Variants in ATP9B observed in about 807,000 individuals in gnomAD.
The protein encoded by ATP9B is ATPase phospholipid transporting 9B, also known as probable phospholipid-transporting ATPase IIB.
ATP9B carries 110 observed loss-of-function variants against 146.1 expected under a neutral mutation model. That is an observed-to-expected ratio of 0.75 (90% CI 0.65 to 0.88). The LOEUF is 0.88. Among genes scored for constraint, ATP9B ranks in the 40% least tolerant of loss-of-function variants. ATP9B has a pLI of 0.00. For synonymous variants in ATP9B, 604 were observed against 569.7 expected, an observed-to-expected ratio of 1.06 and a Z score of -0.86; for missense variants, 1,499 against 1,496.4, an observed-to-expected ratio of 1.00 and a Z score of -0.03.
At chr18:79,237,696 GGGT>G (rs2095855071) in intron 11 of ATP9B, among the ~76,000 whole-genome samples, 1 of 149,640 alleles carries the variant, frequency 6.7e-6, no homozygotes, top group Non-Finnish European at 1.5e-5. Flanking sequence ...TTTTGGGGGG[GGGT>G]GGGGGAAGAC....
intron 23 of ATP9B, among the ~76,000 whole-genome samples, chr18:79,346,593 C>T (rs1451360929): frequency 2.6e-5 from 3 of 116,354 alleles, no homozygotes; most frequent in Non-Finnish European, 5.5e-5. Flanking sequence ...GCACAGTCAG[C>T]ACACATTCGG....
At chr18:79,173,443 T>C (rs916078063) in intron 7 of ATP9B, among the ~76,000 whole-genome samples, 1 of 151,980 alleles carries the variant, frequency 6.6e-6, no homozygotes, top group Non-Finnish European at 1.5e-5. Flanking sequence ...TTTTTTTTTT[T>C]TGTCCTAAAA....
intron 11 of ATP9B, among the ~76,000 whole-genome samples, chr18:79,232,956 A>G (rs2095805663): frequency 6.6e-6 from 1 of 152,214 alleles, no homozygotes. Flanking sequence ...ATGGAAAAAT[A>G]AAAAGAACAA....
intron 6 of ATP9B, among the ~76,000 whole-genome samples, chr18:79,151,296 G>A (rs2094685002): frequency 6.6e-6 from 1 of 152,198 alleles, no homozygotes; most frequent in Non-Finnish European, 1.5e-5. Context: ...TGGCAAGAGT[G>A]CCTAGAAAAT....
chr18:79,230,910 G>A (rs2095785357), intron 11 of ATP9B, among the ~76,000 whole-genome samples: 1 of 152,124 alleles, frequency 6.6e-6, no homozygotes, highest in Non-Finnish European at 1.5e-5. Context: ...AACATAAAGC[G>A]AGTAAAGGAC....
chr18:79,261,880 G>A (rs2096145489), intron 12 of ATP9B, among the ~76,000 whole-genome samples: 1 of 152,136 alleles, frequency 6.6e-6, no homozygotes, highest in Non-Finnish European at 1.5e-5. Flanking sequence ...GTCCTGCTAA[G>A]CTCCCACTTT....
chr18:79,314,799 A>C (rs1443909856), intron 15 of ATP9B, among the ~76,000 whole-genome samples: 1 of 152,178 alleles, frequency 6.6e-6, no homozygotes, highest in Non-Finnish European at 1.5e-5. Flanking sequence ...GCCCTGTTTA[A>C]CTGTTAGGGC....
intron 15 of ATP9B, among the ~76,000 whole-genome samples, chr18:79,310,560 G>A (rs2146645671): frequency 6.6e-6 from 1 of 152,286 alleles, no homozygotes; most frequent in South Asian, 2.1e-4. Flanking sequence ...CCACTTTATG[G>A]CTCAGGAACA....
At chr18:79,202,121 T>C (rs1192549519) in intron 9 of ATP9B, among the ~76,000 whole-genome samples, 9 of 152,202 alleles carry the variant, frequency 5.9e-5, no homozygotes, top group African/African-American at 2.2e-4. Context: ...GTATACCCAG[T>C]ATGCATGCTG....
In ATP9B at chr18:79,284,418, C is replaced by T. The variant is rs115279621; in HGVS notation, c.1411+7222C>T. On this transcript the variant is annotated intron_variant, in intron 13 of 29. Transcript: ENST00000426216. ...CTGATGCATACCGTCCTGAGAATCGCAGTTTAGAGAAAGCCTGATTTGCAG... is the reference window on the plus strand; with the variant it reads ...CTGATGCATACCGTCCTGAGAATCGTAGTTTAGAGAAAGCCTGATTTGCAG... Among the ~76,000 whole-genome samples, 1,364 of 152,220 alleles carry T rather than the reference C, an allele frequency of 9.0e-3. 8 individuals are homozygous for T. The highest frequency in any genetic ancestry group is 0.023 in the African/African-American group (962 of 41,530).
intron 11 of ATP9B, among the ~76,000 whole-genome samples, chr18:79,237,469 C>T (rs965596007): frequency 5.9e-5 from 9 of 152,236 alleles, no homozygotes; most frequent in African/African-American, 2.2e-4. Context: ...GTCTGCTGAT[C>T]CCTTTCTTTG....
At chr18:79,234,596 C>T (rs539950404) in intron 11 of ATP9B, among the ~76,000 whole-genome samples, 1 of 148,414 alleles carries the variant, frequency 6.7e-6, no homozygotes, top group East Asian at 2.0e-4. Context: ...GGTGTGCTTG[C>T]TGTGGGCCTG....
At chr18:79,116,940 T>TAAAAAAAAAAAAAAAAAAAAAAAAAATA in intron 4 of ATP9B, among the ~76,000 whole-genome samples, 1 of 106,792 alleles carries the variant, frequency 9.4e-6, no homozygotes, top group Non-Finnish European at 1.9e-5. Context: ...AAAAAAAAAT[T>TAAAAAAAAAAAAAAAAAAAAAAAAAATA]AAAAAAAAAA....
chr18:79,172,469 C>T lies in ATP9B; in HGVS notation c.779-4344C>T, dbSNP rs1478858111. 2.1e-5 allele frequency among the ~76,000 whole-genome samples: 2 copies of T among 94,992 alleles called. 1 individual carries two copies. The highest frequency in any genetic ancestry group is 3.8e-5 in the Non-Finnish European group (2 of 52,190). The allele number at this position is 94,992 out of a possible 152,430, so 62.3% of individuals were successfully genotyped here. The stretch of plus-strand genomic sequence containing the variant: ...GCCACCGTGCCCCGCCCTTCCGATC[C>T]GCCTTGGCCTCCCAAGGTGCTGTGA... On this transcript the variant is annotated intron_variant, in intron 7 of 29. Transcript: ENST00000426216.
intron 11 of ATP9B, among the ~76,000 whole-genome samples, chr18:79,233,003 A>C (rs971126377): frequency 1.3e-5 from 2 of 152,194 alleles, no homozygotes; most frequent in African/African-American, 4.8e-5. Flanking sequence ...AGAAGATAAA[A>C]ATATGTGGCC....
At chr18:79,077,087 A>G (rs1326342123) in intron 1 of ATP9B, among the ~76,000 whole-genome samples, 1 of 152,114 alleles carries the variant, frequency 6.6e-6, no homozygotes, top group East Asian at 1.9e-4. Context: ...CTCATTAGAT[A>G]ATTTCAGTAT....
At chr18:79,106,260 C>T (rs1292324597) in intron 2 of ATP9B, among the ~76,000 whole-genome samples, 4 of 152,212 alleles carry the variant, frequency 2.6e-5, no homozygotes, top group Non-Finnish European at 5.9e-5. Flanking sequence ...TAGTTACTGT[C>T]TCCCAAGGAC....
chr18:79,373,774 C>T (rs2097087277), intron 27 of ATP9B, 124 bp from the exon 28 acceptor site: 3 of 952,494 alleles, frequency 3.1e-6, no homozygotes, highest in African/African-American at 3.3e-5. Flanking sequence ...CAGACATGAG[C>T]TGCTGCGCCT....
intron 13 of ATP9B, among the ~76,000 whole-genome samples, chr18:79,278,073 A>G (rs2096333250): frequency 6.6e-6 from 1 of 152,234 alleles, no homozygotes; most frequent in Admixed American, 6.5e-5. Flanking sequence ...AGGAAGAAAC[A>G]AATATTTGCA....
Sources: gnomAD v4.1 joint callset for allele counts (sites outside exome capture counted in the v4.1 genomes callset) on GRCh38, gnomAD v4.1.1 for gene constraint, MANE v1.5 for transcripts, NCBI Gene and HGNC (gene_info 2026-07-23, HGNC 2026-07-21) for gene names.